Variants in MAGI3 observed in about 807,000 individuals in gnomAD.
MAGI3 encodes the protein membrane associated guanylate kinase, WW and PDZ domain containing 3.
In MAGI3, 43 loss-of-function variants were observed where a neutral mutation model predicts 121.8. The ratio of observed to expected loss-of-function variants is 0.35; its 90% CI spans 0.28 to 0.46. The LOEUF (loss-of-function observed/expected upper bound fraction) is 0.46, where lower values mean the gene tolerates loss of function less well. Ranked by LOEUF, MAGI3 falls within the 20% of genes least tolerant of loss-of-function variation. MAGI3 has a pLI of 1.00. For synonymous variants in MAGI3, 553 were observed against 639.3 expected, an observed-to-expected ratio of 0.86 and a Z score of 2.04; for missense variants, 1,547 against 1,797.3, an observed-to-expected ratio of 0.86 and a Z score of 2.52.
intron 1 of MAGI3, among the ~76,000 whole-genome samples, chr1:113,510,628 C>G (rs1184165398): frequency 6.6e-6 from 1 of 152,168 alleles, no homozygotes; most frequent in Admixed American, 6.5e-5. Flanking sequence ...AAGGCAAAAT[C>G]TTGGTCATAT....
At chr1:113,426,246 A>T (rs1172214898) in intron 1 of MAGI3, among the ~76,000 whole-genome samples, 1 of 152,136 alleles carries the variant, frequency 6.6e-6, no homozygotes, top group African/African-American at 2.4e-5. Context: ...GTTGGATTCC[A>T]TTATGGTCAG....
intron 5 of MAGI3, among the ~76,000 whole-genome samples, chr1:113,593,385 AT>A (rs1434198490): frequency 3.3e-5 from 5 of 151,912 alleles, no homozygotes; most frequent in Admixed American, 3.3e-4. Flanking sequence ...TGCAAAAAAA[AT>A]TTTTTCAGTT....
intron 9 of MAGI3, among the ~76,000 whole-genome samples, chr1:113,624,170 G>A (rs1489386441): frequency 1.3e-5 from 2 of 152,176 alleles, no homozygotes; most frequent in African/African-American, 4.8e-5. Context: ...ACAAACATGG[G>A]AGTGCAGATA....
At chr1:113,623,443 T>TACACACACATAC (rs1553208625) in intron 9 of MAGI3, among the ~76,000 whole-genome samples, 2 of 62,996 alleles carry the variant, frequency 3.2e-5, no homozygotes, top group African/African-American at 1.2e-4. Context: ...CACATATATA[T>TACACACACATAC]ACACACACAT....
chr1:113,521,163 T>C (rs1487444732), intron 1 of MAGI3, among the ~76,000 whole-genome samples: 1 of 150,844 alleles, frequency 6.6e-6, no homozygotes, highest in Non-Finnish European at 1.5e-5. Context: ...CTCGGCTCAC[T>C]GCAACCTCCG....
Position 113,651,054 on chromosome 1 carries a change from A to C in MAGI3, c.2288A>C (p.Lys763Thr), listed in dbSNP as rs749132573. 4.3e-6 allele frequency: 7 copies of C among 1,614,176 alleles called. No homozygotes were observed. In the East Asian group the frequency reaches 1.6e-4, roughly 36 times the overall value. Residue 763 changes from lysine to threonine, a missense_variant, in exon 14 of 21, where the codon AAA becomes ACA. By Grantham distance (78) the Lys-to-Thr change is moderately conservative (BLOSUM62 -1). Transcript: ENST00000307546. ...ATTATTCCCCTGGGAGCAGCTGAGA[A>C]AGATGGTCGGCTCCGCGCAGCTGAT... ...GAIIPLGAAE[K>T]DGRLRAADEL... is the part of the protein sequence containing the mutation.
intron 1 of MAGI3, among the ~76,000 whole-genome samples, chr1:113,483,294 G>A: frequency 6.6e-6 from 1 of 152,150 alleles, no homozygotes; most frequent in East Asian, 1.9e-4. Flanking sequence ...GAATGTTTGT[G>A]TCTCCCCACA....
At chr1:113,607,817 C>A (rs1490353408) in intron 6 of MAGI3, among the ~76,000 whole-genome samples, 3 of 152,100 alleles carry the variant, frequency 2.0e-5, no homozygotes, top group African/African-American at 7.2e-5. Context: ...AGAGTAAAGT[C>A]CAGACTCCTT....
At chr1:113,516,940 AAAACATGAGAC>A (rs1264836950) in intron 1 of MAGI3, among the ~76,000 whole-genome samples, 3 of 152,048 alleles carry the variant, frequency 2.0e-5, no homozygotes, top group African/African-American at 7.2e-5. Context: ...CATCGTGAGA[AAAACATGAGAC>A]AAACTACAAT....
intron 8 of MAGI3, 54 bp downstream of exon 8, chr1:113,619,884 C>A: frequency 7.7e-7 from 1 of 1,301,774 alleles, no homozygotes; most frequent in Non-Finnish European, 1.1e-6. Flanking sequence ...AATTTGTATG[C>A]TGAGTTAATA....
chr1:113,639,021 G>T lies in MAGI3; in HGVS notation c.1361-2890G>T, dbSNP rs535749173. On this transcript the variant is annotated intron_variant, in intron 9 of 20. Coordinates refer to ENST00000307546, the MANE Select transcript of MAGI3 (RefSeq NM_001142782.2). The stretch of plus-strand genomic sequence containing the variant: ...TAGCAATCAGTGAGACTCCGTGGGC[G>T]TAGGACCCTCCGAGCCAGGTGCGGC... Among the ~76,000 whole-genome samples the T allele has an allele frequency of 6.6e-5, 10 of 152,302 alleles. No homozygotes were observed. In the East Asian group the frequency reaches 1.9e-3, roughly 29 times the overall value.
chr1:113,465,943 A>G (rs1354487426), intron 1 of MAGI3, among the ~76,000 whole-genome samples: 1 of 152,148 alleles, frequency 6.6e-6, no homozygotes, highest in Non-Finnish European at 1.5e-5. Flanking sequence ...GTTGTCTGCA[A>G]ACAAGACTAA....
intron 1 of MAGI3, among the ~76,000 whole-genome samples, chr1:113,439,926 A>G (rs989087889): frequency 2.0e-5 from 3 of 152,136 alleles, no homozygotes; most frequent in Non-Finnish European, 4.4e-5. Flanking sequence ...CGGTTATTTC[A>G]TTTTACTGTG....
chr1:113,552,482 G>A (rs1374427294), intron 2 of MAGI3, among the ~76,000 whole-genome samples: 1 of 152,186 alleles, frequency 6.6e-6, no homozygotes, highest in Non-Finnish European at 1.5e-5. Context: ...TGCCTGCATG[G>A]GATGTCTCAT....
chr1:113,584,969 T>TAA (rs1222271455), intron 3 of MAGI3, among the ~76,000 whole-genome samples: 4 of 139,610 alleles, frequency 2.9e-5, no homozygotes, highest in African/African-American at 1.1e-4. Context: ...GATATTTCCT[T>TAA]TTTTTTTTTT....
intron 6 of MAGI3, among the ~76,000 whole-genome samples, chr1:113,601,910 A>G (rs547124042): frequency 6.7e-6 from 1 of 150,078 alleles, no homozygotes; most frequent in Non-Finnish European, 1.5e-5. Context: ...TGATGAGTTC[A>G]TGTCCTTTGT....
intron 2 of MAGI3, among the ~76,000 whole-genome samples, chr1:113,550,784 A>T (rs189198899): frequency 4.0e-4 from 61 of 151,054 alleles, no homozygotes; most frequent in South Asian, 2.5e-3. Context: ...AAAACGAAAA[A>T]AAATATATAT....
chr1:113,624,254 CTATTTT>C (rs1651079637), intron 9 of MAGI3, among the ~76,000 whole-genome samples: 1 of 152,162 alleles, frequency 6.6e-6, no homozygotes, highest in South Asian at 2.1e-4. Context: ...TATGGTATCT[CTATTTT>C]TAGTGTTTTG....
chr1:113,419,691 G>A (rs1652636213), intron 1 of MAGI3, among the ~76,000 whole-genome samples: 2 of 152,308 alleles, frequency 1.3e-5, no homozygotes, highest in East Asian at 1.9e-4. Context: ...GGTTTGCAAA[G>A]AGAGTGATTG....
Sources: allele counts gnomAD v4.1 joint callset (sites outside exome capture counted in the v4.1 genomes callset), GRCh38; gene constraint gnomAD v4.1.1; transcripts MANE v1.5; gene names NCBI Gene and HGNC (gene_info 2026-07-23, HGNC 2026-07-21).